The following ANO4 variants were observed in gnomAD, a reference collection of about 807,000 sequenced individuals.
ANO4 encodes the protein anoctamin-4.
Under a neutral mutation model 141.9 loss-of-function variants are expected in ANO4, and 69 were observed. The observed-to-expected ratio is 0.49, with a 90% CI of 0.40 to 0.59. The LOEUF (loss-of-function observed/expected upper bound fraction) is 0.59. Among genes scored for constraint, ANO4 ranks in the 20% least tolerant of loss-of-function variants. The pLI is 0.00. For missense variants in ANO4, 894 were observed against 1,162.2 expected (o/e 0.77, Z 3.36); for synonymous variants, 350 against 394.3 (o/e 0.89, Z 1.33).
At chr12:100,850,920 T>G (rs1373477518) in intron 1 of ANO4, among the ~76,000 whole-genome samples, 1 of 152,200 alleles carries the variant, frequency 6.6e-6, no homozygotes, top group Non-Finnish European at 1.5e-5. Flanking sequence ...ATGATTTTAA[T>G]GAGATATTAA....
At chr12:100,892,577 CA>C (rs2040157411) in intron 1 of ANO4, among the ~76,000 whole-genome samples, 1 of 151,768 alleles carries the variant, frequency 6.6e-6, no homozygotes, top group Non-Finnish European at 1.5e-5. Context: ...CCTGGATAAC[CA>C]CCTCCCTCCC....
intron 18 of ANO4, among the ~76,000 whole-genome samples, chr12:101,095,259 T>C (rs781697855): frequency 6.6e-6 from 1 of 150,892 alleles, no homozygotes; most frequent in Non-Finnish European, 1.5e-5. Context: ...GTCATTGAAA[T>C]CTTCCATCAC....
intron 3 of ANO4, among the ~76,000 whole-genome samples, chr12:100,937,155 A>G (rs2042319181): frequency 6.6e-6 from 1 of 152,166 alleles, no homozygotes; most frequent in Non-Finnish European, 1.5e-5. Flanking sequence ...GCTCTCAGAT[A>G]TCGTTACATT....
chr12:100,747,882 A>G (rs942404984), intron 3 of ANO4, among the ~76,000 whole-genome samples: 1 of 152,184 alleles, frequency 6.6e-6, no homozygotes, highest in African/African-American at 2.4e-5. Context: ...TTAAAAGCAA[A>G]CAAACAAACA....
At chr12:101,089,087 A>G (rs2049633024) in intron 17 of ANO4, among the ~76,000 whole-genome samples, 1 of 152,074 alleles carries the variant, frequency 6.6e-6, no homozygotes, top group Non-Finnish European at 1.5e-5. Context: ...AGATTTTCCA[A>G]AGGCCAACTA....
chr12:100,976,557 A>C (rs2044203051), intron 7 of ANO4, among the ~76,000 whole-genome samples: 1 of 152,234 alleles, frequency 6.6e-6, no homozygotes, highest in South Asian at 2.1e-4. Context: ...TTGTTAAGGC[A>C]CAGATTTCTA....
chr12:100,900,351 C>T (rs887789151), intron 1 of ANO4, among the ~76,000 whole-genome samples: 8 of 151,926 alleles, frequency 5.3e-5, no homozygotes, highest in Admixed American at 1.3e-4. Context: ...ATGTGCACAA[C>T]GTGCAGGTTT....
intron 8 of ANO4, among the ~76,000 whole-genome samples, chr12:101,012,676 A>G (rs1157387931): frequency 1.3e-5 from 2 of 152,296 alleles, no homozygotes; most frequent in South Asian, 2.1e-4. Context: ...TTAACTGGAA[A>G]AGCATAAGAT....
chr12:101,081,052 C>CT (rs2049258515), intron 15 of ANO4, among the ~76,000 whole-genome samples: 1 of 118,508 alleles, frequency 8.4e-6, no homozygotes, highest in Non-Finnish European at 1.8e-5. Flanking sequence ...TGTGTGTATA[C>CT]ATATATATTC....
chr12:101,062,850 C>T (rs2048408296), intron 14 of ANO4, among the ~76,000 whole-genome samples: 2 of 152,212 alleles, frequency 1.3e-5, no homozygotes, highest in African/African-American at 4.8e-5. Flanking sequence ...CTGAGCTAGA[C>T]TGCTTGGCTC....
intron 14 of ANO4, among the ~76,000 whole-genome samples, chr12:101,063,745 C>CTTT: frequency 0.027 from 675 of 24,792 alleles, 173 homozygotes; most frequent in East Asian, 0.039. Flanking sequence ...TCCAGGTTAT[C>CTTT]TTTTTTTTTT....
intron 2 of ANO4, among the ~76,000 whole-genome samples, chr12:100,904,007 A>G (rs185767589): frequency 1.2e-4 from 18 of 152,238 alleles, no homozygotes; most frequent in Admixed American, 5.2e-4. Context: ...TTCCCAGGAT[A>G]CCCTGGTTTT....
chr12:100,726,391 T>A (rs2031121544), intron 1 of ANO4, among the ~76,000 whole-genome samples: 1 of 152,236 alleles, frequency 6.6e-6, no homozygotes, highest in African/African-American at 2.4e-5. Flanking sequence ...TGTTTCTCCC[T>A]TCCTGATTAC....
rs955827190 is a variant in ANO4 at position 100,918,503 on chromosome 12, G to A, written c.56-3723G>A. Among the ~76,000 whole-genome samples the A allele has an allele frequency of 8.5e-5, 13 of 152,180 alleles. No individual in the cohort carries two copies. In the East Asian group the frequency reaches 1.7e-3, roughly 20 times the overall value. On this transcript the variant is annotated intron_variant, in intron 2 of 27. Transcript: ENST00000392977. ...GTTTTTTAATATGCAGTCATGCACC[G>A]CATGATGACTTTTTCATCAGTGATG...
chr12:100,836,092 ACT>A (rs1464444728), intron 1 of ANO4, among the ~76,000 whole-genome samples: 1 of 152,164 alleles, frequency 6.6e-6, no homozygotes, highest in Non-Finnish European at 1.5e-5. Flanking sequence ...GAACTGCTAA[ACT>A]AATATTTATT....
intron 5 of ANO4, among the ~76,000 whole-genome samples, chr12:100,970,029 AT>A (rs1216609077): frequency 1.3e-5 from 2 of 152,136 alleles, no homozygotes; most frequent in African/African-American, 4.8e-5. Context: ...TGAAGTCCTA[AT>A]TTTACTTCCC....
intron 1 of ANO4, among the ~76,000 whole-genome samples, chr12:100,866,394 C>T (rs2038754647): frequency 6.6e-6 from 1 of 152,178 alleles, no homozygotes; most frequent in South Asian, 2.1e-4. Flanking sequence ...CCTTCTCCAG[C>T]TCCTCAGCTG....
intron 8 of ANO4, 76 bp from the exon 9 acceptor site, chr12:101,019,958 A>G: frequency 1.6e-6 from 2 of 1,231,638 alleles, no homozygotes; most frequent in South Asian, 2.5e-5. Flanking sequence ...CATCTGAGCA[A>G]CACCAAATTA....
chr12:100,984,653 G>C (rs1385975021), intron 7 of ANO4, among the ~76,000 whole-genome samples: 1 of 152,126 alleles, frequency 6.6e-6, no homozygotes, highest in Non-Finnish European at 1.5e-5. Context: ...GGCTCTGAAG[G>C]GTAAATAACT....
Sources: allele counts gnomAD v4.1 joint callset (sites outside exome capture counted in the v4.1 genomes callset), GRCh38; gene constraint gnomAD v4.1.1; transcripts MANE v1.5; gene names NCBI Gene and HGNC (gene_info 2026-07-23, HGNC 2026-07-21).